The following PTP4A3 variants were observed in gnomAD, a reference collection of about 807,000 sequenced individuals.
The protein encoded by PTP4A3 is protein tyrosine phosphatase 4A3, also known as protein tyrosine phosphatase type IVA 3.
Under a neutral mutation model 15.2 loss-of-function variants are expected in PTP4A3, and 9 were observed. That is an observed-to-expected ratio of 0.59 (90% CI 0.36 to 1.03). The LOEUF (loss-of-function observed/expected upper bound fraction) is 1.03, where lower values mean the gene tolerates loss of function less well. Among genes scored for constraint, PTP4A3 ranks in the 50% least tolerant of loss-of-function variants. PTP4A3 has a pLI of 0.02. For missense variants in PTP4A3, 234 were observed against 252.1 expected, an observed-to-expected ratio of 0.93 and a Z score of 0.49; for synonymous variants, 95 against 102.0, an observed-to-expected ratio of 0.93 and a Z score of 0.41.
At position 141,422,148 on chromosome 8, in the gene PTP4A3, C is replaced by G. The variant is rs937234422; in HGVS notation, c.-93C>G. 4.1e-6 allele frequency: 5 copies of G among 1,216,694 alleles called. No individual in the cohort carries two copies. Among genetic ancestry groups the G allele is most frequent in the Non-Finnish European group, 6.0e-6 (5 of 833,102 alleles). 75.4% of individuals were successfully genotyped at this position (1,216,694 alleles called of 1,614,324 possible). A position where few individuals can be genotyped will look rare whatever the true frequency, so the allele number is the denominator to read the frequency against. The stretch of plus-strand genomic sequence containing the variant: ...GGACAAGCACAGGGATCTCGTTCTC[C>G]TCATTTTTTGGGGGTGTGTGGGGAC... On this transcript the variant is annotated 5_prime_UTR_variant, in exon 2 of 6. Coordinates refer to ENST00000521578, the MANE Select transcript of PTP4A3 (RefSeq NM_032611.3).
intron 1 of PTP4A3, among the ~76,000 whole-genome samples, chr8:141,405,596 T>TG (rs1286745075): frequency 6.6e-6 from 1 of 152,208 alleles, no homozygotes; most frequent in Non-Finnish European, 1.5e-5. Flanking sequence ...CAGTCGAATA[T>TG]GTTCACACAT....
rs571331672 is a variant in PTP4A3, at chr8:141,432,278, C to T, written c.*1234C>T. The T allele has an allele frequency of 4.9e-4, 74 of 152,246 alleles. No individual in the cohort carries two copies. Among genetic ancestry groups the T allele is most frequent in the African/African-American group, 1.7e-3 (70 of 41,520 alleles). 9.4% of individuals were successfully genotyped at this position (152,246 alleles called of 1,614,324 possible). ...GACAAGATGGGGAGATGTGGAAACC[C>T]CAAAAGCCCCTTCTCAGGCAGCCCT... On this transcript the variant is annotated 3_prime_UTR_variant, in exon 6 of 6. Coordinates refer to ENST00000521578, the MANE Select transcript of PTP4A3 (RefSeq NM_032611.3).
chr8:141,419,147 G>A (rs1833202314), intron 1 of PTP4A3, among the ~76,000 whole-genome samples: 1 of 152,174 alleles, frequency 6.6e-6, no homozygotes, highest in Admixed American at 6.5e-5. Context: ...GGGGGGTAGT[G>A]TGGGGTGGTT....
Sources: gnomAD v4.1 joint callset for allele counts (sites outside exome capture counted in the v4.1 genomes callset) on GRCh38, gnomAD v4.1.1 for gene constraint, MANE v1.5 for transcripts, NCBI Gene and HGNC (gene_info 2026-07-23, HGNC 2026-07-21) for gene names.